The following CPLX4 variants were observed in gnomAD, a reference collection of about 807,000 sequenced individuals.
The protein encoded by CPLX4 is complexin 4, also known as complexin-4.
In CPLX4, 17 loss-of-function variants were observed where a neutral mutation model predicts 16.1. That is an observed-to-expected ratio of 1.06 (90% CI 0.72 to 1.59). The LOEUF (loss-of-function observed/expected upper bound fraction) is 1.59. Ranked by LOEUF, CPLX4 falls within the 40% of genes most tolerant of loss-of-function variation. The pLI, the probability that CPLX4 is intolerant of heterozygous loss-of-function variation, is 0.00. For missense variants in CPLX4, 193 were observed against 192.9 expected, an observed-to-expected ratio of 1.00 and a Z score of 0.00; for synonymous variants, 55 against 57.8, an observed-to-expected ratio of 0.95 and a Z score of 0.22.
chr18:59,301,679 G>T (rs914970686), intron 2 of CPLX4, among the ~76,000 whole-genome samples: 2 of 152,220 alleles, frequency 1.3e-5, no homozygotes, highest in Non-Finnish European at 2.9e-5. Context: ...ACCTAGAACT[G>T]GCTAAGTATT....
intron 2 of CPLX4, among the ~76,000 whole-genome samples, chr18:59,297,502 A>G (rs947234672): frequency 2.0e-5 from 3 of 151,782 alleles, no homozygotes; most frequent in African/African-American, 2.4e-5. Flanking sequence ...CTGGTCTCGA[A>G]CTCCTGACCT....
intron 2 of CPLX4, among the ~76,000 whole-genome samples, chr18:59,310,933 C>T (rs2070612449): frequency 6.8e-6 from 1 of 147,170 alleles, no homozygotes; most frequent in Admixed American, 6.9e-5. Context: ...CTGGACGATG[C>T]ACACCCAGCC....
chr18:59,316,097 A>G (rs749146780), intron 1 of CPLX4, among the ~76,000 whole-genome samples: 1 of 152,238 alleles, frequency 6.6e-6, no homozygotes, highest in Non-Finnish European at 1.5e-5. Flanking sequence ...TCAAGTTACA[A>G]ATGATATTGT....
rs2070666653 is a variant in CPLX4 at position 59,318,509 on chromosome 18, A to G, written c.-47T>C. On this transcript the variant is annotated 5_prime_UTR_variant, in exon 1 of 3. Coordinates refer to ENST00000299721, the MANE Select transcript of CPLX4 (RefSeq NM_181654.4). ...AAACCAAAATTCAGACAAAAGCTGAAAAAAAAAATCCAAACAAACCCAAGA... is the reference window on the plus strand; with the variant it reads ...AAACCAAAATTCAGACAAAAGCTGAGAAAAAAAATCCAAACAAACCCAAGA... 6.4e-7 allele frequency: 1 copy of G among 1,558,278 alleles called. No individual in the cohort carries two copies. The highest frequency in any genetic ancestry group is 8.6e-7 in the Non-Finnish European group (1 of 1,161,524).
At chr18:59,317,584 A>G (rs969674444) in intron 1 of CPLX4, among the ~76,000 whole-genome samples, 3 of 152,124 alleles carry the variant, frequency 2.0e-5, no homozygotes, top group Admixed American at 6.6e-5. Context: ...GGGGTGAAGT[A>G]CATGACATCT....
intron 2 of CPLX4, among the ~76,000 whole-genome samples, chr18:59,298,093 ATTTT>A (rs200060703): frequency 1.4e-5 from 2 of 141,448 alleles, no homozygotes; most frequent in African/African-American, 5.1e-5. Context: ...AGATTCCTTT[ATTTT>A]TTTTTTTTTT....
At chr18:59,297,816 T>C (rs2070512067) in intron 2 of CPLX4, among the ~76,000 whole-genome samples, 1 of 152,212 alleles carries the variant, frequency 6.6e-6, no homozygotes, top group African/African-American at 2.4e-5. Flanking sequence ...TTTTTCTTAA[T>C]CATGGCTCTT....
chr18:59,316,501 A>G (rs2070652323), intron 1 of CPLX4, among the ~76,000 whole-genome samples: 2 of 152,130 alleles, frequency 1.3e-5, no homozygotes, highest in South Asian at 4.1e-4. Flanking sequence ...TGCCTACTAC[A>G]TATTGCATTC....
rs527371314 is a variant in CPLX4 at position 59,307,753 on chromosome 18, A to ATTT, written c.255+4929_255+4931dup. Among the ~76,000 whole-genome samples the ATTT allele has an allele frequency of 4.7e-3, 609 of 130,952 alleles. 11 individuals are homozygous for ATTT. Among genetic ancestry groups the ATTT allele is most frequent in the Non-Finnish European group, 7.2e-3 (455 of 63,054 alleles). The allele number at this position is 130,952 out of a possible 152,430, so 85.9% of individuals were successfully genotyped here. On this transcript the variant is annotated intron_variant, in intron 2 of 2. Coordinates refer to ENST00000299721, the MANE Select transcript of CPLX4 (RefSeq NM_181654.4). ...CTCGCATCCCCACTGTGTTTTTCTG[A>ATTT]TTTTTTTTTTTTTTTTGAAATGGAG... is the stretch of plus-strand genomic sequence containing the variant.
At chr18:59,315,156 G>A (rs1025144247) in intron 1 of CPLX4, among the ~76,000 whole-genome samples, 2 of 152,204 alleles carry the variant, frequency 1.3e-5, no homozygotes, top group Non-Finnish European at 2.9e-5. Context: ...AAGAGTTCTA[G>A]TGGTTTCACA....
At chr18:59,296,975 C>T (rs2070506362) in intron 2 of CPLX4, 50 bp from the exon 3 acceptor site, 1 of 1,565,614 alleles carries the variant, frequency 6.4e-7, no homozygotes, top group Non-Finnish European at 8.6e-7. Context: ...ACTACTAACT[C>T]ACTAACTAAA....
At chr18:59,306,902 G>T (rs1456123527) in intron 2 of CPLX4, among the ~76,000 whole-genome samples, 1 of 152,198 alleles carries the variant, frequency 6.6e-6, no homozygotes, top group Non-Finnish European at 1.5e-5. Flanking sequence ...CCAATTCCCT[G>T]TGGGCTGTTA....
chr18:59,307,474 T>C (rs2070584535), intron 2 of CPLX4, among the ~76,000 whole-genome samples: 1 of 152,210 alleles, frequency 6.6e-6, no homozygotes, highest in Non-Finnish European at 1.5e-5. Context: ...TTATAAGGAC[T>C]TGGGAATCTG....
intron 1 of CPLX4, among the ~76,000 whole-genome samples, chr18:59,316,018 G>A (rs1416651369): frequency 2.0e-5 from 3 of 152,136 alleles, no homozygotes; most frequent in Non-Finnish European, 2.9e-5. Context: ...TTCCATTTCA[G>A]TACATTCCTC....
chr18:59,312,324 T>C (rs950776923), intron 2 of CPLX4, among the ~76,000 whole-genome samples: 12 of 151,760 alleles, frequency 7.9e-5, no homozygotes, highest in Non-Finnish European at 1.8e-4. Flanking sequence ...AAAACTGGAA[T>C]CAAGTTTTTA....
At chr18:59,302,370 C>A (rs1035896287) in intron 2 of CPLX4, among the ~76,000 whole-genome samples, 2 of 152,168 alleles carry the variant, frequency 1.3e-5, no homozygotes, top group Non-Finnish European at 2.9e-5. Context: ...CACTACAGGC[C>A]GGAAGCAGCT....
At chr18:59,301,818 A>G (rs1276226503) in intron 2 of CPLX4, among the ~76,000 whole-genome samples, 1 of 152,252 alleles carries the variant, frequency 6.6e-6, no homozygotes, top group Non-Finnish European at 1.5e-5. Flanking sequence ...CCATTCACCA[A>G]TGCATGACCT....
chr18:59,299,245 A>T (rs2070523445), intron 2 of CPLX4, among the ~76,000 whole-genome samples: 2 of 152,164 alleles, frequency 1.3e-5, no homozygotes, highest in Admixed American at 6.5e-5. Context: ...TGCAGGAAGG[A>T]GAGGAAAAGC....
intron 2 of CPLX4, among the ~76,000 whole-genome samples, chr18:59,312,438 G>GTA (rs140555708): frequency 0.28 from 39,653 of 143,354 alleles, 5,404 homozygotes; most frequent in Middle Eastern, 0.35. Context: ...ATGTGTGTGT[G>GTA]TATATATATA....
Sources: allele counts gnomAD v4.1 joint callset (sites outside exome capture counted in the v4.1 genomes callset), GRCh38; gene constraint gnomAD v4.1.1; transcripts MANE v1.5; gene names NCBI Gene and HGNC (gene_info 2026-07-23, HGNC 2026-07-21).